The following EPHA10 variants were observed in gnomAD, a reference collection of about 807,000 sequenced individuals.
EPHA10 encodes the protein ephrin type-A receptor 10.
In EPHA10, 120 loss-of-function variants were observed where a neutral mutation model predicts 109.7. The observed-to-expected ratio is 1.09, with a 90% confidence interval of 0.94 to 1.27. The LOEUF is 1.27. Ranked by LOEUF, EPHA10 falls within the 50% of genes most tolerant of loss-of-function variation. The pLI is 0.00. For missense variants in EPHA10, 1,396 were observed against 1,411.1 expected, an observed-to-expected ratio of 0.99 and a Z score of 0.17; for synonymous variants, 640 against 618.9, an observed-to-expected ratio of 1.03 and a Z score of -0.51.
At position 37,719,537 on chromosome 1, in the gene EPHA10, AGTCG is replaced by A. The variant is rs776848180; in HGVS notation, c.2629_2632del (p.Arg877Ter). On this transcript the variant is annotated frameshift_variant, in exon 15 of 17. Transcript: ENST00000373048. LOFTEE classifies it high-confidence loss of function. The stretch of plus-strand genomic sequence containing the variant: ...GTCCTTCTGCCAGCAGTCGAGCATT[AGTCG>A]GTGCAGAAGGTTAGGACAGTTCCTG... 26 of 1,613,924 alleles carry A rather than the reference AGTCG, an allele frequency of 1.6e-5. No homozygotes were observed. Among genetic ancestry groups the A allele is most frequent in the Middle Eastern group, 1.6e-4 (1 of 6,082 alleles).
chr1:37,758,326 A>C (rs1646406635), intron 3 of EPHA10, among the ~76,000 whole-genome samples: 1 of 152,100 alleles, frequency 6.6e-6, no homozygotes, highest in Non-Finnish European at 1.5e-5. Context: ...CCCATCTATA[A>C]TAAAAATCCT....
chr1:37,718,689 G>A lies in EPHA10; in HGVS notation c.2884C>T (p.Leu962=). 6.2e-7 allele frequency: 1 copy of A among 1,613,208 alleles called. No individual in the cohort carries two copies. The highest frequency in any genetic ancestry group is 2.2e-5 in the East Asian group (1 of 44,892). Residue 962 remains leucine (L), a synonymous_variant, in exon 16 of 17, where the codon CTG becomes TTG. Transcript: ENST00000373048. ...DSFAAAGYGS[L]EAVAEMTAQD... is the part of the protein sequence containing the mutation. ...GCAGTCATCTCGGCCACGGCCTCCA[G>A]GCTCCCATAGCCAGCAGCCGCGAAG...
intron 13 of EPHA10, 99 bp downstream of exon 13, chr1:37,720,252 G>A: frequency 1.4e-6 from 2 of 1,424,038 alleles, no homozygotes; most frequent in Non-Finnish European, 9.4e-7. Flanking sequence ...CAACTGGGTG[G>A]AGGGGCAGGG....
intron 13 of EPHA10, 74 bp downstream of exon 13, chr1:37,720,277 G>A (rs1259924871): frequency 8.1e-6 from 12 of 1,483,318 alleles, no homozygotes; most frequent in South Asian, 1.3e-5. Context: ...GAGTAGAAGT[G>A]GGGAGTTAAG....
downstream of EPHA10, among the ~76,000 whole-genome samples, chr1:37,715,433 T>C (rs916009932): frequency 6.6e-5 from 10 of 152,126 alleles, no homozygotes; most frequent in African/African-American, 2.4e-4. Context: ...CTCCCAACAC[T>C]GACGTCTCCC....
At position 37,765,107 on chromosome 1, in the gene EPHA10, C is replaced by G. The variant is rs754895048; in HGVS notation, c.-41G>C. 6.5e-7 allele frequency: 1 copy of G among 1,542,108 alleles called. No homozygotes were observed. Among genetic ancestry groups the G allele is most frequent in the African/African-American group, 1.4e-5 (1 of 73,840 alleles). Reference sequence around the variant, plus strand: ...CTGTCAGTCCGGCGGCGGCTCAAGCCGCGCCAGCCTAGCACCGCTGAGCAA... The same window carrying G: ...CTGTCAGTCCGGCGGCGGCTCAAGCGGCGCCAGCCTAGCACCGCTGAGCAA... On this transcript the variant is annotated 5_prime_UTR_variant, in exon 1 of 17. Coordinates refer to ENST00000373048, the MANE Select transcript of EPHA10 (RefSeq NM_001099439.2).
Position 37,735,359 on chromosome 1 carries a change from G to A in EPHA10, c.1389C>T (p.Asp463=), listed in dbSNP as rs1378783031. 2 of 1,578,318 alleles carry A rather than the reference G, an allele frequency of 1.3e-6. No individual in the cohort carries two copies. Among genetic ancestry groups the A allele is most frequent in the Admixed American group, 1.8e-5 (1 of 54,198 alleles). Residue 463 remains aspartate (D), a synonymous_variant, in exon 6 of 17, where the codon GAC becomes GAT. Transcript: ENST00000373048. ...GGGACACGCTCTGGGGTTCCACTCG[G>A]TCCCTGCGGATCTCATCCTCCTCCC... The part of the protein sequence containing the change: ...APWEEDEIRR[D]RVEPQSVSLS...
intron 5 of EPHA10, among the ~76,000 whole-genome samples, chr1:37,737,752 A>G (rs1646091326): frequency 6.6e-6 from 1 of 152,234 alleles, no homozygotes; most frequent in South Asian, 2.1e-4. Flanking sequence ...AAACGAAAAT[A>G]GACAAATGAG....
At chr1:37,733,409 C>T (rs1158597486) in intron 6 of EPHA10, among the ~76,000 whole-genome samples, 1 of 151,734 alleles carries the variant, frequency 6.6e-6, no homozygotes, top group Non-Finnish European at 1.5e-5. Flanking sequence ...GTAGAGGTGG[C>T]GGTCTCACTT....
chr1:37,739,869 G>A (rs918642350), intron 5 of EPHA10, among the ~76,000 whole-genome samples: 3 of 151,148 alleles, frequency 2.0e-5, no homozygotes, highest in Admixed American at 6.6e-5. Flanking sequence ...CAGGGTGGGA[G>A]GATCGCTTGA....
rs1435231133 is a variant in EPHA10, at chr1:37,764,064, G to A, written c.106+897C>T. Among the ~76,000 whole-genome samples, 1 of 152,190 alleles carries A rather than the reference G, an allele frequency of 6.6e-6. No homozygotes were observed. Among genetic ancestry groups the A allele is most frequent in the African/African-American group, 2.4e-5 (1 of 41,436 alleles). On this transcript the variant is annotated intron_variant, in intron 1 of 16. Coordinates refer to ENST00000373048, the MANE Select transcript of EPHA10 (RefSeq NM_001099439.2). This position sits in a 1 kb window ranked among gnomAD's most constrained non-coding sequence, Gnocchi z 5.8. The stretch of plus-strand genomic sequence containing the variant: ...GAAAATGGTTTGGACAGCAGAGTCC[G>A]CAGACCAGAGACAGGAGGTCAGGAC...
chr1:37,739,562 G>A (rs1024729023), intron 5 of EPHA10, among the ~76,000 whole-genome samples: 1 of 151,942 alleles, frequency 6.6e-6, no homozygotes, highest in Non-Finnish European at 1.5e-5. Flanking sequence ...GGTGGTGTGT[G>A]CCTATAATCT....
At chr1:37,739,531 T>C (rs1330334355) in intron 5 of EPHA10, among the ~76,000 whole-genome samples, 2 of 151,080 alleles carry the variant, frequency 1.3e-5, no homozygotes, top group African/African-American at 4.9e-5. Flanking sequence ...TCTACTAAAA[T>C]TACAGAAATT....
At chr1:37,744,160 C>T (rs766538120) in intron 5 of EPHA10, among the ~76,000 whole-genome samples, 17 of 152,018 alleles carry the variant, frequency 1.1e-4, no homozygotes, top group African/African-American at 2.9e-4. Context: ...GGTTTCTTAG[C>T]GATGACACCA....
chr1:37,753,217 G>T lies in EPHA10; in HGVS notation c.1016C>A (p.Ser339Ter). The T allele has an allele frequency of 2.3e-6, 3 of 1,326,708 alleles. No homozygotes were observed. The highest frequency in any genetic ancestry group is 4.0e-5 in the South Asian group (2 of 50,428). The allele number at this position is 1,326,708 out of a possible 1,614,324, so 82.2% of individuals were successfully genotyped here. ...GCTGTACTGCAGGTCCCGCGGCGCC[G>T]ACGGCGGCCCTGAGGCGGCACAGGG... Reference protein sequence around the residue: ...PPSASCTRPPSAPRDLQYSLS... With the variant: ...PPSASCTRPP Residue 339 changes from serine (S) to a stop codon, truncating the protein, a stop_gained, in exon 5 of 17, where the codon TCG becomes TAG. Coordinates refer to ENST00000373048, the MANE Select transcript of EPHA10 (RefSeq NM_001099439.2). LOFTEE classifies it high-confidence loss of function.
At position 37,736,076 on chromosome 1, in the gene EPHA10, A is replaced by T. The variant is rs144266549; in HGVS notation, c.1358-686T>A. The stretch of plus-strand genomic sequence containing the variant: ...GGAAATTTATCTCTGTTTACAGATG[A>T]CATGATCTTATATGTAGAAAACCCT... On this transcript the variant is annotated intron_variant, in intron 5 of 16. Transcript: ENST00000373048. Among the ~76,000 whole-genome samples, 276 of 152,372 alleles carry T rather than the reference A, an allele frequency of 1.8e-3. 4 individuals are homozygous for T. In the East Asian group the frequency reaches 0.026, roughly 14 times the overall value.
intron 5 of EPHA10, among the ~76,000 whole-genome samples, chr1:37,752,401 C>T (rs894829191): frequency 1.3e-5 from 2 of 152,062 alleles, no homozygotes; most frequent in African/African-American, 4.8e-5. Flanking sequence ...GGACACAGGG[C>T]CGGATCCGGC....
intron 5 of EPHA10, among the ~76,000 whole-genome samples, chr1:37,737,069 C>T (rs1221521027): frequency 1.3e-5 from 2 of 152,122 alleles, no homozygotes; most frequent in South Asian, 4.1e-4. Context: ...AAATCCCAGG[C>T]ATTTTTTGCA....
chr1:37,716,640 C>A lies in EPHA10; in HGVS notation c.*1732G>T, dbSNP rs1266712883. 4.3e-6 allele frequency: 1 copy of A among 232,658 alleles called. No homozygotes were observed. The highest frequency in any genetic ancestry group is 8.5e-6 in the Non-Finnish European group (1 of 117,804). The allele number at this position is 232,658 out of a possible 1,614,324, so 14.4% of individuals were successfully genotyped here. A position where few individuals can be genotyped will look rare whatever the true frequency, so the allele number is the denominator to read the frequency against. Reference sequence around the variant, plus strand: ...CACCTCTGTGAGTCACTGTCCCCCACCTCTGGGTGCTCTGCAAAGAGGCAC... The same window carrying A: ...CACCTCTGTGAGTCACTGTCCCCCAACTCTGGGTGCTCTGCAAAGAGGCAC... On this transcript the variant is annotated 3_prime_UTR_variant, in exon 17 of 17. Transcript: ENST00000373048.
Sources: gnomAD v4.1 joint callset for allele counts (sites outside exome capture counted in the v4.1 genomes callset) on GRCh38, gnomAD v4.1.1 for gene constraint, Gnocchi (gnomAD v3.1) non-coding constraint, MANE v1.5 for transcripts, NCBI Gene and HGNC (gene_info 2026-07-23, HGNC 2026-07-21) for gene names.